The following ABHD3 variants were observed in gnomAD, a reference collection of about 807,000 sequenced individuals.
ABHD3 encodes abhydrolase domain containing 3, phospholipase, also known as phospholipase ABHD3.
ABHD3 carries 46 observed loss-of-function variants against 48.8 expected under a neutral mutation model. The ratio of observed to expected loss-of-function variants is 0.94; its 90% CI spans 0.74 to 1.20. ABHD3 has a LOEUF of 1.20. ABHD3 is among the 50% of genes most tolerant of loss of function. ABHD3 has a pLI of 0.00. For missense variants in ABHD3, 490 were observed against 497.8 expected (o/e 0.98, Z 0.15); for synonymous variants, 192 against 183.7 (o/e 1.04, Z -0.36).
Position 21,697,028 on chromosome 18 carries a change from T to C in ABHD3, c.509+5288A>G, listed in dbSNP as rs749431237. ...AATCCACCAGTGAAGATGGACAGGT[T>C]ATCTTCATGTAGGCAGGCCAAACAT... On this transcript the variant is annotated intron_variant, in intron 3 of 8. Coordinates refer to ENST00000289119, the MANE Select transcript of ABHD3 (RefSeq NM_138340.5). Among the ~76,000 whole-genome samples the C allele has an allele frequency of 3.0e-4, 46 of 152,082 alleles. 1 individual carries two copies. The highest frequency in any genetic ancestry group is 7.4e-5 in the Non-Finnish European group (5 of 68,008).
At chr18:21,656,087 CGGAGGTTGCA>C (rs1298877732) in intron 8 of ABHD3, among the ~76,000 whole-genome samples, 1 of 151,510 alleles carries the variant, frequency 6.6e-6, no homozygotes, top group East Asian at 2.0e-4. Flanking sequence ...ACCCGGGAGG[CGGAGGTTGCA>C]GTGAGCCGAG....
intron 4 of ABHD3, among the ~76,000 whole-genome samples, chr18:21,676,179 T>C (rs2146307827): frequency 1.3e-5 from 2 of 152,286 alleles, no homozygotes; most frequent in Middle Eastern, 6.8e-3. Context: ...TCTACAACAA[T>C]ATTTTATAGC....
intron 6 of ABHD3, among the ~76,000 whole-genome samples, chr18:21,658,454 T>C (rs1330300806): frequency 6.6e-6 from 1 of 152,128 alleles, no homozygotes; most frequent in East Asian, 1.9e-4. Flanking sequence ...TAGCAACAAG[T>C]AGAAAATCCA....
At chr18:21,691,342 CGATAAAA>C (rs1370709496) in intron 3 of ABHD3, among the ~76,000 whole-genome samples, 7 of 152,172 alleles carry the variant, frequency 4.6e-5, no homozygotes, top group Non-Finnish European at 1.0e-4. Flanking sequence ...ATGCTTCTAT[CGATAAAA>C]GATAAAAGTG....
chr18:21,704,417 C>T (rs2146346199), intron 1 of ABHD3, 87 bp downstream of exon 1: 2 of 1,223,694 alleles, frequency 1.6e-6, no homozygotes, highest in Non-Finnish European at 1.0e-6. Flanking sequence ...GGGCTGCCGA[C>T]CGCCCCTGGC....
chr18:21,687,427 G>C (rs528777156), intron 3 of ABHD3, among the ~76,000 whole-genome samples: 1 of 151,896 alleles, frequency 6.6e-6, no homozygotes, highest in Non-Finnish European at 1.5e-5. Flanking sequence ...TAGCCAGGAC[G>C]GTCTCGATTT....
Position 21,704,733 on chromosome 18 carries a change from G to A in ABHD3, c.-68C>T, listed in dbSNP as rs1394341650. The A allele has an allele frequency of 7.6e-7, 1 of 1,309,058 alleles. No homozygotes were observed. The highest frequency in any genetic ancestry group is 4.2e-5 in the Admixed American group (1 of 23,698). 81.1% of individuals were successfully genotyped at this position (1,309,058 alleles called of 1,614,324 possible). A position where few individuals can be genotyped will look rare whatever the true frequency, so the allele number is the denominator to read the frequency against. The stretch of plus-strand genomic sequence containing the variant: ...CCGGCTGGCGAGCGGGCGAGAGCGG[G>A]CGAGAGCGGACGCGGCGCCGCTGCC... On this transcript the variant is annotated 5_prime_UTR_variant, in exon 1 of 9. Transcript: ENST00000289119.
chr18:21,684,444 T>C (rs200528117), intron 3 of ABHD3, among the ~76,000 whole-genome samples: 4 of 149,882 alleles, frequency 2.7e-5, no homozygotes, highest in Non-Finnish European at 3.0e-5. Flanking sequence ...TCAGCCTCCT[T>C]AGTAGCTGGG....
chr18:21,658,442 A>G (rs2039406126), intron 6 of ABHD3, among the ~76,000 whole-genome samples: 1 of 152,182 alleles, frequency 6.6e-6, no homozygotes, highest in Admixed American at 6.5e-5. Context: ...TATTACTAAG[A>G]TTAGCAACAA....
intron 4 of ABHD3, chr18:21,682,765 T>C (rs1223977442): frequency 8.5e-5 from 13 of 152,192 alleles, no homozygotes; most frequent in African/African-American, 3.1e-4. Flanking sequence ...CCTGGAAGAA[T>C]GCACAGCAGA....
At chr18:21,677,161 A>G (rs939610972) in intron 4 of ABHD3, among the ~76,000 whole-genome samples, 4 of 152,066 alleles carry the variant, frequency 2.6e-5, no homozygotes, top group African/African-American at 9.7e-5. Context: ...TTCACTTAGC[A>G]TAATGCTTTC....
At chr18:21,687,741 C>T (rs1459598618) in intron 3 of ABHD3, among the ~76,000 whole-genome samples, 1 of 151,990 alleles carries the variant, frequency 6.6e-6, no homozygotes, top group Non-Finnish European at 1.5e-5. Context: ...ACCCATTAAC[C>T]AGGGAAACAG....
chr18:21,687,993 C>T (rs559885999), intron 3 of ABHD3, among the ~76,000 whole-genome samples: 51 of 152,304 alleles, frequency 3.3e-4, no homozygotes, highest in African/African-American at 1.1e-3. Flanking sequence ...GGGGGAAAAA[C>T]GGCCCCTAGG....
Position 21,702,357 on chromosome 18 carries a change from A to C in ABHD3, c.468T>G (p.Tyr156Ter), listed in dbSNP as rs1291891297. ...PGLTGTSKESYILHMIHLSEE... is the reference protein window; with the variant it reads ...PGLTGTSKES The stretch of plus-strand genomic sequence containing the variant: ...CACTAAGATGGATCATATGAAGGAT[A>C]TATGACTCCTTGCTTGTTCCCGTGA... The change falls in exon 3 of 9, where the codon TAT becomes TAG. Residue 156 changes from tyrosine to a stop codon, truncating the protein, a stop_gained. Coordinates refer to ENST00000289119, the MANE Select transcript of ABHD3 (RefSeq NM_138340.5). LOFTEE classifies it high-confidence loss of function. The C allele has an allele frequency of 6.2e-7, 1 of 1,613,144 alleles. No homozygotes were observed. The highest frequency in any genetic ancestry group is 8.5e-7 in the Non-Finnish European group (1 of 1,179,680).
chr18:21,688,349 T>G (rs1201351233), intron 3 of ABHD3, among the ~76,000 whole-genome samples: 1 of 152,146 alleles, frequency 6.6e-6, no homozygotes, highest in South Asian at 2.1e-4. Context: ...GAGAGGAACA[T>G]TCAGAGATCA....
At chr18:21,687,848 A>G (rs1044513109) in intron 3 of ABHD3, among the ~76,000 whole-genome samples, 2 of 152,200 alleles carry the variant, frequency 1.3e-5, no homozygotes, top group African/African-American at 4.8e-5. Context: ...AGCCCAAATA[A>G]TTCTTTGTAG....
Position 21,688,108 on chromosome 18 carries a change from C to T in ABHD3, c.510-4143G>A, listed in dbSNP as rs1053808846. Among the ~76,000 whole-genome samples the T allele has an allele frequency of 5.9e-5, 9 of 152,210 alleles. No homozygotes were observed. The South Asian group carries it at 8.3e-4, about 14-fold the overall frequency. Reference sequence around the variant, plus strand: ...GTGCTGTGATCACACCAATGCACTCCGGCCTGGGTGATGGAGAGCCTGTCT... The same window carrying T: ...GTGCTGTGATCACACCAATGCACTCTGGCCTGGGTGATGGAGAGCCTGTCT... On this transcript the variant is annotated intron_variant, in intron 3 of 8. Coordinates refer to ENST00000289119, the MANE Select transcript of ABHD3 (RefSeq NM_138340.5).
chr18:21,652,263 T>C (rs2039239885), intron 8 of ABHD3, among the ~76,000 whole-genome samples: 2 of 151,100 alleles, frequency 1.3e-5, no homozygotes, highest in African/African-American at 2.4e-5. Flanking sequence ...GAGGCCGAAG[T>C]GAGAGGATCA....
At position 21,704,722 on chromosome 18, in the gene ABHD3, G is replaced by A; in HGVS notation, c.-57C>T. ...CGGGAGGAGAGCCGGCTGGCGAGCGGGCGAGAGCGGGCGAGAGCGGACGCG... is the reference window on the plus strand; with the variant it reads ...CGGGAGGAGAGCCGGCTGGCGAGCGAGCGAGAGCGGGCGAGAGCGGACGCG... On this transcript the variant is annotated 5_prime_UTR_variant, in exon 1 of 9. Coordinates refer to ENST00000289119, the MANE Select transcript of ABHD3 (RefSeq NM_138340.5). 7.7e-7 allele frequency: 1 copy of A among 1,295,632 alleles called. No homozygotes were observed. The highest frequency in any genetic ancestry group is 1.6e-5 in the African/African-American group (1 of 62,516). 80.3% of individuals were successfully genotyped at this position (1,295,632 alleles called of 1,614,324 possible). A position where few individuals can be genotyped will look rare whatever the true frequency, so the allele number is the denominator to read the frequency against.
Sources: gnomAD v4.1 joint callset for allele counts (sites outside exome capture counted in the v4.1 genomes callset) on GRCh38, gnomAD v4.1.1 for gene constraint, MANE v1.5 for transcripts, NCBI Gene and HGNC (gene_info 2026-07-23, HGNC 2026-07-21) for gene names.